The following TEAD1 variants were observed in gnomAD, a reference collection of about 807,000 sequenced individuals.
The protein encoded by TEAD1 is TEA domain transcription factor 1.
Under a neutral mutation model 54.9 loss-of-function variants are expected in TEAD1, and 9 were observed. The observed-to-expected ratio is 0.16, with a 90% confidence interval of 0.10 to 0.29. The LOEUF (loss-of-function observed/expected upper bound fraction) is 0.29. Among genes scored for constraint, TEAD1 ranks in the 10% least tolerant of loss-of-function variants. TEAD1 has a pLI of 1.00. For synonymous variants in TEAD1, 200 were observed against 187.8 expected, an observed-to-expected ratio of 1.07 and a Z score of -0.53; for missense variants, 387 against 535.9, an observed-to-expected ratio of 0.72 and a Z score of 2.74.
chr11:12,830,940 C>T (rs933468559), intron 3 of TEAD1, among the ~76,000 whole-genome samples: 1 of 152,130 alleles, frequency 6.6e-6, no homozygotes, highest in Non-Finnish European at 1.5e-5. Context: ...GCTGGGTTTA[C>T]GGACAGGCCC....
intron 3 of TEAD1, among the ~76,000 whole-genome samples, chr11:12,860,699 G>A (rs7130174): frequency 1 from 152,325 of 152,334 alleles, 76,158 homozygotes; most frequent in Middle Eastern, 1. Flanking sequence ...GAAGAAGACA[G>A]AGTTCTTCCC....
rs144369913 is a variant in TEAD1, at chr11:12,862,299, G to T, written c.252G>T (p.Thr84=). 6 of 1,613,814 alleles carry T rather than the reference G, an allele frequency of 3.7e-6. No homozygotes were observed. Among genetic ancestry groups the T allele is most frequent in the Admixed American group, 3.3e-5 (2 of 59,998 alleles). Residue 84 remains threonine (T), a synonymous_variant, in exon 4 of 13, where the codon ACG becomes ACT. Coordinates refer to ENST00000527636, the MANE Select transcript of TEAD1 (RefSeq NM_021961.6). ...ACATCAAACTCAGGACAGGCAAGAC[G>T]AGGACCAGAAAACAGGTAAAATAAC...
rs368680603 is a variant in TEAD1, at chr11:12,766,553, A to AT, written c.202+2123dup. On this transcript the variant is annotated intron_variant, in intron 3 of 12. Transcript: ENST00000527636. Reference sequence around the variant, plus strand: ...GTCCATGGGTCCTTTGGACTCTTCCATTTTGTGATGCTATGGTTTTGTTTC... The same window carrying AT: ...GTCCATGGGTCCTTTGGACTCTTCCATTTTTGTGATGCTATGGTTTTGTTTC... 2.7e-3 allele frequency among the ~76,000 whole-genome samples: 418 copies of AT among 152,252 alleles called. 3 individuals are homozygous for AT. Among genetic ancestry groups the AT allele is most frequent in the African/African-American group, 9.6e-3 (399 of 41,548 alleles).
intron 2 of TEAD1, among the ~76,000 whole-genome samples, chr11:12,724,323 C>T (rs924918152): frequency 6.6e-6 from 1 of 152,196 alleles, no homozygotes; most frequent in Admixed American, 6.5e-5. Flanking sequence ...ATGATCGAGG[C>T]TCGATTTCAA....
chr11:12,704,454 G>A (rs1943770206), intron 2 of TEAD1, among the ~76,000 whole-genome samples: 1 of 152,172 alleles, frequency 6.6e-6, no homozygotes, highest in African/African-American at 2.4e-5. Context: ...GCTTCCACCG[G>A]CATCTGCCTG....
At chr11:12,847,550 G>A (rs1265642278) in intron 3 of TEAD1, among the ~76,000 whole-genome samples, 2 of 151,956 alleles carry the variant, frequency 1.3e-5, no homozygotes, top group African/African-American at 4.8e-5. Context: ...AACATGACAG[G>A]AATAAGGATT....
chr11:12,679,709 A>C lies in TEAD1; in HGVS notation c.-55+4148A>C, dbSNP rs571222755. Reference sequence around the variant, plus strand: ...TAATTCAGTTCAGCTCTGCTCTTGGATGGTGTTCAAGTGCAATCTCAATTT... The same window carrying C: ...TAATTCAGTTCAGCTCTGCTCTTGGCTGGTGTTCAAGTGCAATCTCAATTT... On this transcript the variant is annotated intron_variant, in intron 2 of 12. Coordinates refer to ENST00000527636, the MANE Select transcript of TEAD1 (RefSeq NM_021961.6). 6.5e-4 allele frequency among the ~76,000 whole-genome samples: 98 copies of C among 151,794 alleles called. 1 individual carries two copies. Among genetic ancestry groups the C allele is most frequent in the Non-Finnish European group, 8.8e-5 (6 of 67,962 alleles).
chr11:12,837,751 C>G (rs917829854), intron 3 of TEAD1, among the ~76,000 whole-genome samples: 2 of 136,916 alleles, frequency 1.5e-5, no homozygotes, highest in African/African-American at 6.5e-5. Context: ...TCTTCTTCCT[C>G]CTCTTCCTCT....
chr11:12,812,273 T>C (rs1292730166), intron 3 of TEAD1, among the ~76,000 whole-genome samples: 1 of 152,142 alleles, frequency 6.6e-6, no homozygotes, highest in African/African-American at 2.4e-5. Context: ...GGTGTGATGC[T>C]TGGGGATGGA....
chr11:12,878,924 T>C, intron 5 of TEAD1: 1 of 1,285,316 alleles, frequency 7.8e-7, no homozygotes, highest in South Asian at 1.2e-5. Flanking sequence ...CCAAACTGAG[T>C]ATTCTGTATT....
intron 2 of TEAD1, among the ~76,000 whole-genome samples, chr11:12,676,179 C>T (rs985015409): frequency 1.3e-5 from 2 of 152,242 alleles, no homozygotes; most frequent in African/African-American, 4.8e-5. Context: ...AAAAACACTA[C>T]ACGTATTGCA....
chr11:12,797,384 G>A (rs954191726), intron 3 of TEAD1, among the ~76,000 whole-genome samples: 1 of 152,158 alleles, frequency 6.6e-6, no homozygotes, highest in Non-Finnish European at 1.5e-5. Context: ...TTGGTCCTCA[G>A]ACTAGGGCTT....
In TEAD1 at chr11:12,944,483, T is replaced by TA. The variant is rs35360705; in HGVS notation, c.*7274dup. 66,957 of 148,076 alleles carry TA rather than the reference T, an allele frequency of 0.45. 14,987 individuals are homozygous for TA. Among genetic ancestry groups the TA allele is most frequent in the African/African-American group, 0.52 (20,919 of 40,422 alleles). The allele number at this position is 148,076 out of a possible 1,614,324, so 9.2% of individuals were successfully genotyped here. On this transcript the variant is annotated 3_prime_UTR_variant, in exon 13 of 13. Coordinates refer to ENST00000527636, the MANE Select transcript of TEAD1 (RefSeq NM_021961.6). The stretch of plus-strand genomic sequence containing the variant: ...GAGAATTTTTTTATAAAGTGCTTTG[T>TA]AAAAAAAAAAAAATGTATTCTAGCT...
At chr11:12,884,983 C>G (rs1948056922) in intron 9 of TEAD1, among the ~76,000 whole-genome samples, 1 of 152,160 alleles carries the variant, frequency 6.6e-6, no homozygotes, top group Non-Finnish European at 1.5e-5. Context: ...TTCCATGACA[C>G]TTTGTTGTTT....
At chr11:12,862,097 C>T (rs1238522274) in intron 3 of TEAD1, among the ~76,000 whole-genome samples, 153 bp from the exon 4 acceptor site, 1 of 150,432 alleles carries the variant, frequency 6.6e-6, no homozygotes, top group Non-Finnish European at 1.5e-5. Context: ...AACATTTTTG[C>T]AGACAATTGT....
intron 2 of TEAD1, among the ~76,000 whole-genome samples, chr11:12,699,335 G>T (rs1190609766): frequency 6.6e-6 from 1 of 151,698 alleles, no homozygotes; most frequent in Non-Finnish European, 1.5e-5. Context: ...TTTCTCATCG[G>T]TTTATTTAAT....
chr11:12,814,871 C>CTG (rs1007709404), intron 3 of TEAD1, among the ~76,000 whole-genome samples: 1 of 133,586 alleles, frequency 7.5e-6, no homozygotes, highest in Non-Finnish European at 1.6e-5. Flanking sequence ...GTGTGTGTGT[C>CTG]TGTGTGTGTG....
At chr11:12,874,661 A>G (rs1189333267) in intron 5 of TEAD1, among the ~76,000 whole-genome samples, 7 of 152,160 alleles carry the variant, frequency 4.6e-5, no homozygotes. Context: ...GGTTAATGAT[A>G]AAAGTAGGGT....
chr11:12,845,014 A>C (rs1590205941), intron 3 of TEAD1, among the ~76,000 whole-genome samples: 1 of 130,230 alleles, frequency 7.7e-6, no homozygotes, highest in Non-Finnish European at 1.6e-5. Context: ...CGCCCAGGCT[A>C]AAGTGCAGTG....
Sources: allele counts gnomAD v4.1 joint callset (sites outside exome capture counted in the v4.1 genomes callset), GRCh38; gene constraint gnomAD v4.1.1; transcripts MANE v1.5; gene names NCBI Gene and HGNC (gene_info 2026-07-23, HGNC 2026-07-21).